Variants in UBE2K observed in about 807,000 individuals in gnomAD.
UBE2K encodes ubiquitin-conjugating enzyme E2 K.
Under a neutral mutation model 30.0 loss-of-function variants are expected in UBE2K, and 6 were observed. That is an observed-to-expected ratio of 0.20 (90% CI 0.11 to 0.39). The LOEUF is 0.39. Ranked by LOEUF, UBE2K falls within the 10% of genes least tolerant of loss-of-function variation. UBE2K has a pLI of 1.00. For synonymous variants in UBE2K, 86 were observed against 83.7 expected (o/e 1.03, Z -0.15); for missense variants, 61 against 241.6 (o/e 0.25, Z 4.96).
chr4:39,721,412 G>A (rs141431738), intron 1 of UBE2K, among the ~76,000 whole-genome samples: 1 of 152,312 alleles, frequency 6.6e-6, no homozygotes, highest in African/African-American at 2.4e-5. Flanking sequence ...GGAGTGCAGT[G>A]GCTCAATCAC....
chr4:39,743,616 A>G (rs952159604), intron 2 of UBE2K, among the ~76,000 whole-genome samples: 5 of 152,256 alleles, frequency 3.3e-5, no homozygotes, highest in Admixed American at 3.3e-4. Flanking sequence ...AAAAAAAAAA[A>G]AAGAATATAA....
intron 4 of UBE2K, among the ~76,000 whole-genome samples, chr4:39,756,584 C>T (rs1721526381): frequency 1.3e-5 from 2 of 152,010 alleles, no homozygotes; most frequent in Non-Finnish European, 2.9e-5. Flanking sequence ...TCCCAAGTAG[C>T]TGGGAATACA....
In UBE2K at chr4:39,777,698, A is replaced by C; in HGVS notation, c.416A>C (p.Glu139Ala). The C allele has an allele frequency of 6.4e-7, 1 of 1,562,698 alleles. No homozygotes were observed. Among genetic ancestry groups the C allele is most frequent in the Non-Finnish European group, 8.6e-7 (1 of 1,163,674 alleles). Residue 139 changes from glutamate to alanine, a missense_variant, in exon 6 of 7, where the codon GAA becomes GCA. Coordinates refer to ENST00000261427, the MANE Select transcript of UBE2K (RefSeq NM_005339.5). ...CCCATATAGTACAAACAAAATCCCG[A>C]AATGTTCAAACAGACAGCTCGACTT... ...VVANQYKQNP[E>A]MFKQTARLWA...
At chr4:39,756,951 T>C (rs746045716) in intron 4 of UBE2K, among the ~76,000 whole-genome samples, 2 of 151,826 alleles carry the variant, frequency 1.3e-5, no homozygotes, top group Non-Finnish European at 2.9e-5. Flanking sequence ...CTTCTAAAGA[T>C]TATATATTAT....
At chr4:39,717,850 A>AGACCTTCGCGGT in intron 1 of UBE2K, among the ~76,000 whole-genome samples, 2 of 151,418 alleles carry the variant, frequency 1.3e-5, no homozygotes, top group Middle Eastern at 3.4e-3. Context: ...GTGAAGCTGC[A>AGACCTTCGCGGT]GACCTTCGCG....
chr4:39,749,936 C>T (rs930863033), intron 3 of UBE2K, among the ~76,000 whole-genome samples: 1 of 152,178 alleles, frequency 6.6e-6, no homozygotes, highest in African/African-American at 2.4e-5. Context: ...CGGTGGCTCA[C>T]GCCTGTAATC....
rs1006962671 is a variant in UBE2K at position 39,707,051 on chromosome 4, C to T, written c.63+8661C>T. ...CCTCCAGAATGGCTGGAATTACAGG[C>T]ATGCGCCACCACACCCGGCTAATTT... On this transcript the variant is annotated intron_variant, in intron 1 of 6. Transcript: ENST00000261427. Among the ~76,000 whole-genome samples the T allele has an allele frequency of 3.3e-5, 5 of 152,004 alleles. No individual in the cohort carries two copies. The East Asian group carries it at 9.6e-4, about 29-fold the overall frequency.
intron 2 of UBE2K, among the ~76,000 whole-genome samples, chr4:39,739,002 A>G (rs1002623399): frequency 2.0e-5 from 3 of 148,410 alleles, no homozygotes; most frequent in African/African-American, 5.0e-5. Context: ...GAGTGGTTCT[A>G]TAATTCTGTA....
chr4:39,745,036 A>G (rs1041668604), intron 2 of UBE2K, among the ~76,000 whole-genome samples: 1 of 152,006 alleles, frequency 6.6e-6, no homozygotes, highest in African/African-American at 2.4e-5. Context: ...AGTTTTTTAT[A>G]TTAAAATAGA....
intron 4 of UBE2K, among the ~76,000 whole-genome samples, chr4:39,757,448 AGAGTT>A (rs1191670519): frequency 1.5e-5 from 2 of 130,534 alleles, no homozygotes; most frequent in Non-Finnish European, 3.2e-5. Context: ...TGAACAGACT[AGAGTT>A]ACAGGTTTTG....
chr4:39,749,485 C>G (rs1250117897), intron 3 of UBE2K, among the ~76,000 whole-genome samples: 4 of 151,182 alleles, frequency 2.6e-5, no homozygotes, highest in Non-Finnish European at 5.9e-5. Context: ...AAAAACCTGT[C>G]TCTACTAAAA....
At chr4:39,758,042 T>G (rs1711612256) in intron 4 of UBE2K, among the ~76,000 whole-genome samples, 1 of 152,216 alleles carries the variant, frequency 6.6e-6, no homozygotes, top group Admixed American at 6.5e-5. Flanking sequence ...GCTTATCATC[T>G]TTACTTGACT....
Position 39,778,540 on chromosome 4 carries a change from C to T in UBE2K, c.*106C>T. The T allele has an allele frequency of 1.5e-6, 1 of 679,746 alleles. No homozygotes were observed. Among genetic ancestry groups the T allele is most frequent in the Admixed American group, 2.9e-5 (1 of 34,106 alleles). The allele number at this position is 679,746 out of a possible 1,614,324, so 42.1% of individuals were successfully genotyped here. A position where few individuals can be genotyped will look rare whatever the true frequency, so the allele number is the denominator to read the frequency against. On this transcript the variant is annotated 3_prime_UTR_variant, in exon 7 of 7. Coordinates refer to ENST00000261427, the MANE Select transcript of UBE2K (RefSeq NM_005339.5). ...GATTTCTTTTAAACTGGCATTCTTGCCTAATGATGTTATCTAGGCACCATT... is the reference window on the plus strand; with the variant it reads ...GATTTCTTTTAAACTGGCATTCTTGTCTAATGATGTTATCTAGGCACCATT...
chr4:39,728,821 TTTTTTG>T (rs1318005541), intron 1 of UBE2K, among the ~76,000 whole-genome samples: 3 of 144,126 alleles, frequency 2.1e-5, no homozygotes, highest in Non-Finnish European at 4.6e-5. Context: ...TTTTTTTGTT[TTTTTTG>T]TTTTTTTTTT....
At chr4:39,706,711 G>A (rs1022045333) in intron 1 of UBE2K, among the ~76,000 whole-genome samples, 2 of 151,774 alleles carry the variant, frequency 1.3e-5, no homozygotes, top group Admixed American at 6.6e-5. Flanking sequence ...AAGATTACAA[G>A]TGTGAGCCAC....
chr4:39,757,158 TG>T (rs1181487936), intron 4 of UBE2K, among the ~76,000 whole-genome samples: 2 of 152,062 alleles, frequency 1.3e-5, no homozygotes, highest in Non-Finnish European at 2.9e-5. Context: ...CCCGAGTAGC[TG>T]GGACTACAGG....
intron 1 of UBE2K, among the ~76,000 whole-genome samples, chr4:39,718,855 C>G (rs1487185520): frequency 6.6e-6 from 1 of 152,248 alleles, no homozygotes; most frequent in Non-Finnish European, 1.5e-5. Flanking sequence ...AAACGCCGTG[C>G]GCAGCCCCGG....
At chr4:39,770,745 AG>A in intron 4 of UBE2K, 1 of 1,583,356 alleles carries the variant, frequency 6.3e-7, no homozygotes, top group Non-Finnish European at 8.6e-7. Context: ...TCCAATGCCC[AG>A]GCCCCCTCCC....
In UBE2K at chr4:39,780,573, T is replaced by G. The variant is rs1241131122; in HGVS notation, c.*2139T>G. ...GGGTTATATACTCATCTAACTACAC[T>G]TCAGCATCCCCAGTGCCCAAGAAAT... is the stretch of plus-strand genomic sequence containing the variant. On this transcript the variant is annotated 3_prime_UTR_variant, in exon 7 of 7. Coordinates refer to ENST00000261427, the MANE Select transcript of UBE2K (RefSeq NM_005339.5). 1 of 152,120 alleles carries G rather than the reference T, an allele frequency of 6.6e-6. No homozygotes were observed. Among genetic ancestry groups the G allele is most frequent in the Admixed American group, 6.6e-5 (1 of 15,266 alleles). The allele number at this position is 152,120 out of a possible 1,614,324, so 9.4% of individuals were successfully genotyped here. A position where few individuals can be genotyped will look rare whatever the true frequency, so the allele number is the denominator to read the frequency against.
Sources: gnomAD v4.1 joint callset for allele counts (sites outside exome capture counted in the v4.1 genomes callset) on GRCh38, gnomAD v4.1.1 for gene constraint, MANE v1.5 for transcripts, NCBI Gene and HGNC (gene_info 2026-07-23, HGNC 2026-07-21) for gene names.